The following PPM1L variants were observed in gnomAD, a reference collection of about 807,000 sequenced individuals.
The protein encoded by PPM1L is protein phosphatase 1L.
PPM1L carries 13 observed loss-of-function variants against 31.4 expected under a neutral mutation model. That is an observed-to-expected ratio of 0.41 (90% CI 0.27 to 0.66). PPM1L has a LOEUF of 0.66. Ranked by LOEUF, PPM1L falls within the 30% of genes least tolerant of loss-of-function variation. The pLI, the probability that PPM1L is intolerant of heterozygous loss-of-function variation, is 0.29. For synonymous variants in PPM1L, 184 were observed against 175.4 expected (o/e 1.05, Z -0.39); for missense variants, 326 against 453.7 (o/e 0.72, Z 2.56).
intron 1 of PPM1L, among the ~76,000 whole-genome samples, chr3:160,927,330 G>T (rs1714627997): frequency 6.6e-6 from 1 of 152,174 alleles, no homozygotes; most frequent in Non-Finnish European, 1.5e-5. Context: ...TGATATGATG[G>T]ATGTTTAATA....
chr3:160,903,555 C>T (rs1266081517), intron 1 of PPM1L, among the ~76,000 whole-genome samples: 1 of 151,990 alleles, frequency 6.6e-6, no homozygotes, highest in Non-Finnish European at 1.5e-5. Context: ...ATCACCGTAG[C>T]CTTACCAAGT....
chr3:161,012,296 T>C lies in PPM1L; in HGVS notation c.574+50386T>C, dbSNP rs555429125. On this transcript the variant is annotated intron_variant, in intron 2 of 3. Coordinates refer to ENST00000498165, the MANE Select transcript of PPM1L (RefSeq NM_139245.4). The stretch of plus-strand genomic sequence containing the variant: ...ATCATCATGTGGTTTTTGTCTTTGG[T>C]TCTGTTTATATGCTGGATTCCATTT... 5.5e-3 allele frequency among the ~76,000 whole-genome samples: 843 copies of C among 152,240 alleles called. 17 individuals are homozygous for C. The highest frequency in any genetic ancestry group is 0.047 in the Admixed American group (723 of 15,238).
chr3:160,852,449 CT>C lies in PPM1L; in HGVS notation c.399+95745del, dbSNP rs367999884. Among the ~76,000 whole-genome samples, 593 of 152,264 alleles carry C rather than the reference CT, an allele frequency of 3.9e-3. 6 individuals carry two copies. The highest frequency in any genetic ancestry group is 0.013 in the African/African-American group (533 of 41,568). On this transcript the variant is annotated intron_variant, in intron 1 of 3. Coordinates refer to ENST00000498165, the MANE Select transcript of PPM1L (RefSeq NM_139245.4). ...TTAAAAAGGGATAGCAGTGAGAGAGCTTTCCCCCTTTTTATTGTTTTTCCCC... is the reference window on the plus strand; with the variant it reads ...TTAAAAAGGGATAGCAGTGAGAGAGCTTCCCCCTTTTTATTGTTTTTCCCC...
chr3:160,779,720 C>T (rs538363345), intron 1 of PPM1L, among the ~76,000 whole-genome samples: 45 of 150,736 alleles, frequency 3.0e-4, no homozygotes, highest in Admixed American at 1.8e-3. Context: ...TTAGTAGAGA[C>T]GGAGTTTCAC....
intron 1 of PPM1L, among the ~76,000 whole-genome samples, chr3:160,788,865 T>A (rs938862129): frequency 5.9e-5 from 9 of 151,980 alleles, no homozygotes; most frequent in Admixed American, 6.6e-5. Flanking sequence ...TGGACTTTTT[T>A]CTATTTTATT....
At chr3:160,980,169 G>C (rs991819490) in intron 2 of PPM1L, among the ~76,000 whole-genome samples, 1 of 152,048 alleles carries the variant, frequency 6.6e-6, no homozygotes, top group Non-Finnish European at 1.5e-5. Flanking sequence ...TCTGTTGGTT[G>C]CCTCTGCTTC....
intron 1 of PPM1L, among the ~76,000 whole-genome samples, chr3:160,916,275 A>C (rs1378914899): frequency 1.3e-5 from 2 of 152,230 alleles, no homozygotes; most frequent in Non-Finnish European, 2.9e-5. Context: ...TTCTCAAAAG[A>C]AGACATTTAT....
chr3:160,976,565 C>T (rs1716585154), intron 2 of PPM1L, among the ~76,000 whole-genome samples: 2 of 151,336 alleles, frequency 1.3e-5, no homozygotes, highest in South Asian at 4.2e-4. Flanking sequence ...TGTTATTGGT[C>T]TATTCAGAGA....
intron 1 of PPM1L, among the ~76,000 whole-genome samples, chr3:160,955,563 T>C (rs935029411): frequency 6.6e-6 from 1 of 152,148 alleles, no homozygotes; most frequent in African/African-American, 2.4e-5. Context: ...GTTTCCTTTA[T>C]GGTAAAGGCT....
chr3:160,943,094 G>C (rs1382958118), intron 1 of PPM1L, among the ~76,000 whole-genome samples: 3 of 152,108 alleles, frequency 2.0e-5, no homozygotes, highest in Non-Finnish European at 4.4e-5. Context: ...CTTAAGGCTA[G>C]ATAATTGTGC....
At chr3:160,910,259 T>TTCCCC (rs71147392) in intron 1 of PPM1L, among the ~76,000 whole-genome samples, 2 of 50,092 alleles carry the variant, frequency 4.0e-5, no homozygotes, top group African/African-American at 1.1e-4. Context: ...CCCCTTCCCC[T>TTCCCC]TTCCCCTTCC....
At chr3:161,018,791 C>T (rs1448132914) in intron 2 of PPM1L, among the ~76,000 whole-genome samples, 1 of 152,186 alleles carries the variant, frequency 6.6e-6, no homozygotes, top group East Asian at 1.9e-4. Context: ...AGAATCGAAG[C>T]AGAACTGCAC....
intron 2 of PPM1L, among the ~76,000 whole-genome samples, chr3:160,967,088 GT>G (rs1716174663): frequency 6.6e-6 from 1 of 151,868 alleles, no homozygotes. Flanking sequence ...TTCCTGTGCT[GT>G]TTTTGTGGTA....
intron 1 of PPM1L, among the ~76,000 whole-genome samples, chr3:160,930,253 G>A (rs1318309337): frequency 6.7e-6 from 1 of 150,132 alleles, no homozygotes; most frequent in Admixed American, 6.6e-5. Context: ...TTCTAATTTA[G>A]CAGTCCCTTA....
chr3:160,995,581 C>G (rs1576769312), intron 2 of PPM1L, among the ~76,000 whole-genome samples: 1 of 152,092 alleles, frequency 6.6e-6, no homozygotes, highest in African/African-American at 2.4e-5. Context: ...TCAACCTCCC[C>G]AAGTGCTGGG....
At chr3:160,790,529 C>T (rs971244219) in intron 1 of PPM1L, among the ~76,000 whole-genome samples, 6 of 151,958 alleles carry the variant, frequency 3.9e-5, no homozygotes, top group South Asian at 2.1e-4. Context: ...ACTGGGGGCT[C>T]TACTAATAGA....
chr3:160,913,685 T>A (rs185486262), intron 1 of PPM1L, among the ~76,000 whole-genome samples: 1 of 152,290 alleles, frequency 6.6e-6, no homozygotes, highest in Admixed American at 6.5e-5. Flanking sequence ...TTTGGGGGAT[T>A]CAGCATAATG....
intron 2 of PPM1L, among the ~76,000 whole-genome samples, chr3:161,025,021 T>C (rs1718338607): frequency 6.6e-6 from 1 of 152,242 alleles, no homozygotes; most frequent in Admixed American, 6.5e-5. Flanking sequence ...TTCAGGCTAA[T>C]TTCTAGAATT....
intron 1 of PPM1L, among the ~76,000 whole-genome samples, chr3:160,841,862 T>G (rs893248362): frequency 1.3e-5 from 2 of 152,236 alleles, no homozygotes; most frequent in Admixed American, 6.5e-5. Context: ...TGATGACATA[T>G]ATTCCTCCTT....
Sources: allele counts gnomAD v4.1 joint callset (sites outside exome capture counted in the v4.1 genomes callset), GRCh38; gene constraint gnomAD v4.1.1; transcripts MANE v1.5; gene names NCBI Gene and HGNC (gene_info 2026-07-23, HGNC 2026-07-21).